Variants in ALG12 observed in about 807,000 individuals in gnomAD.
ALG12 encodes dol-P-Man:Man(7)GlcNAc(2)-PP-Dol alpha-1,6-mannosyltransferase.
ALG12 carries 36 observed loss-of-function variants against 46.0 expected under a neutral mutation model. The ratio of observed to expected loss-of-function variants is 0.78; its 90% CI spans 0.60 to 1.03. The LOEUF is 1.03. Ranked by LOEUF, ALG12 falls within the 50% of genes least tolerant of loss-of-function variation. ALG12 has a pLI of 0.00. For missense variants in ALG12, 599 were observed against 633.5 expected, an observed-to-expected ratio of 0.95 and a Z score of 0.58; for synonymous variants, 326 against 291.6, an observed-to-expected ratio of 1.12 and a Z score of -1.20.
chr22:49,890,002 G>A, the ALG12 span: 5 of 167,056 alleles, frequency 3.0e-5, no homozygotes, highest in Non-Finnish European at 7.3e-5. Flanking sequence ...GTCATTATAC[G>A]AAGGGACTTT....
the ALG12 span, among the ~76,000 whole-genome samples, chr22:49,864,343 CA>C: frequency 6.6e-6 from 1 of 152,254 alleles, no homozygotes; most frequent in African/African-American, 2.4e-5. Flanking sequence ...AATGGCAGTA[CA>C]ACTGCCACCT....
the ALG12 span, chr22:49,885,375 C>A: frequency 6.3e-7 from 1 of 1,594,778 alleles, no homozygotes; most frequent in Non-Finnish European, 8.6e-7. Context: ...CTATTTGCTC[C>A]GCAGACTCCA....
the ALG12 span, among the ~76,000 whole-genome samples, chr22:49,873,755 CAGAG>C: frequency 3.3e-5 from 5 of 152,194 alleles, no homozygotes; most frequent in African/African-American, 1.2e-4. Context: ...AAGAAAGGCT[CAGAG>C]AGAGTCAAGA....
chr22:49,917,986 A>AGCCCTAGGTGAGAGGTCCG (rs2060625379), intron 1 of ALG12, among the ~76,000 whole-genome samples: 1 of 116,394 alleles, frequency 8.6e-6, no homozygotes, highest in Non-Finnish European at 1.8e-5. Context: ...TGAGAGGTCC[A>AGCCCTAGGTGAGAGGTCCG]GCCCCAGGTG....
the ALG12 span, among the ~76,000 whole-genome samples, chr22:49,866,975 C>G: frequency 6.6e-6 from 1 of 152,114 alleles, no homozygotes; most frequent in African/African-American, 2.4e-5. Flanking sequence ...GCTGTTTTTT[C>G]TAGTGTTTTC....
rs958610921 is a variant in ALG12 at position 49,903,086 on chromosome 22, A to T, written c.*752T>A. ...AGCATCACACGCACTTTGGTGCTTT[A>T]TAAATGCATGGTCAGTGAGGCTGAC... On this transcript the variant is annotated 3_prime_UTR_variant, in exon 10 of 10. Transcript: ENST00000330817. 5 of 350,560 alleles carry T rather than the reference A, an allele frequency of 1.4e-5. No individual in the cohort carries two copies. Among genetic ancestry groups the T allele is most frequent in the Non-Finnish European group, 2.8e-5 (5 of 179,584 alleles). 21.7% of individuals were successfully genotyped at this position (350,560 alleles called of 1,614,324 possible).
the ALG12 span, among the ~76,000 whole-genome samples, chr22:49,861,873 G>A: frequency 6.6e-6 from 1 of 152,184 alleles, no homozygotes. Flanking sequence ...GGTGAGGACT[G>A]TCTTCAGGTC....
the ALG12 span, among the ~76,000 whole-genome samples, chr22:49,878,935 GAGAT>G: frequency 1.3e-5 from 2 of 152,032 alleles, no homozygotes; most frequent in South Asian, 4.2e-4. Context: ...ACGAGGTCAA[GAGAT>G]AGAGACCATC....
the ALG12 span, among the ~76,000 whole-genome samples, chr22:49,877,817 C>T: frequency 6.6e-6 from 1 of 152,136 alleles, no homozygotes; most frequent in Non-Finnish European, 1.5e-5. Flanking sequence ...CCTCGTGGCC[C>T]CTCCTCCCGC....
chr22:49,871,027 A>G, the ALG12 span, among the ~76,000 whole-genome samples: 2 of 149,576 alleles, frequency 1.3e-5, no homozygotes, highest in South Asian at 2.1e-4. Flanking sequence ...TGCAACCTCC[A>G]TCTCCAGGGT....
chr22:49,885,052 C>T, the ALG12 span: 2 of 1,612,068 alleles, frequency 1.2e-6, no homozygotes, highest in South Asian at 1.1e-5. Flanking sequence ...GGTCTGGCAT[C>T]ACTTCTCCCT....
chr22:49,878,301 CAAAAAAA>C, the ALG12 span, among the ~76,000 whole-genome samples: 2 of 107,216 alleles, frequency 1.9e-5, no homozygotes, highest in Non-Finnish European at 3.5e-5. Flanking sequence ...GACACTGTCT[CAAAAAAA>C]AAAAAAAAAA....
chr22:49,918,010 CCGGATGAG>C (rs1601831951), intron 1 of ALG12, among the ~76,000 whole-genome samples: 500 of 150,854 alleles, frequency 3.3e-3, no homozygotes, highest in Middle Eastern at 6.9e-3. Flanking sequence ...GGTCGGGCCC[CCGGATGAG>C]AGGTCCGGCC....
chr22:49,885,514 G>A, the ALG12 span: 1 of 1,610,066 alleles, frequency 6.2e-7, no homozygotes, highest in Non-Finnish European at 8.5e-7. Context: ...TGAGGTCTCG[G>A]AGACGGCTCG....
chr22:49,900,081 T>G (rs1210057420), downstream of ALG12: 3 of 152,252 alleles, frequency 2.0e-5, no homozygotes, highest in Non-Finnish European at 2.9e-5. Flanking sequence ...GGAGGAAGGC[T>G]TAAGCCCAGG....
the ALG12 span, among the ~76,000 whole-genome samples, chr22:49,882,002 G>A: frequency 6.6e-6 from 1 of 152,120 alleles, no homozygotes; most frequent in Non-Finnish European, 1.5e-5. Context: ...GATAGGTTTG[G>A]CTTAAGCCTG....
At chr22:49,907,993 T>A in intron 6 of ALG12, 49 bp from the exon 7 acceptor site, 1 of 1,581,032 alleles carries the variant, frequency 6.3e-7, no homozygotes, top group Non-Finnish European at 8.6e-7. Context: ...CATGAGCCCG[T>A]GGGCTAGGTG....
chr22:49,917,592 T>C (rs1434782812), intron 1 of ALG12, among the ~76,000 whole-genome samples: 1 of 151,974 alleles, frequency 6.6e-6, no homozygotes, highest in African/African-American at 2.4e-5. Flanking sequence ...CACAGGAACC[T>C]GGAAGGCGGA....
At chr22:49,881,084 G>A in the ALG12 span, among the ~76,000 whole-genome samples, 1 of 152,196 alleles carries the variant, frequency 6.6e-6, no homozygotes, top group Non-Finnish European at 1.5e-5. Flanking sequence ...AGTGGCTCAG[G>A]CCTGTAAACC....
Sources: gnomAD v4.1 joint callset for allele counts (sites outside exome capture counted in the v4.1 genomes callset) on GRCh38, gnomAD v4.1.1 for gene constraint, MANE v1.5 for transcripts, NCBI Gene and HGNC (gene_info 2026-07-23, HGNC 2026-07-21) for gene names.